Variants in SMARCA2 observed in about 807,000 individuals in gnomAD.
SMARCA2 encodes the protein SWI/SNF-related matrix-associated actin-dependent regulator of chromatin subfamily A member 2.
SMARCA2 carries 61 observed loss-of-function variants against 199.8 expected under a neutral mutation model. The observed-to-expected ratio is 0.31, with a 90% confidence interval of 0.25 to 0.38. The LOEUF is 0.38. Among genes scored for constraint, SMARCA2 ranks in the 10% least tolerant of loss-of-function variants. The pLI is 1.00. For synonymous variants in SMARCA2, 935 were observed against 732.0 expected, an observed-to-expected ratio of 1.28 and a Z score of -4.48; for missense variants, 1,344 against 2,012.2, an observed-to-expected ratio of 0.67 and a Z score of 6.35.
chr9:2,158,910 G>GTCCC, intron 27 of SMARCA2: 1 of 1,608,094 alleles, frequency 6.2e-7, no homozygotes, highest in Non-Finnish European at 8.5e-7. Context: ...TGGGGTCTTT[G>GTCCC]GGGAGGAGGG....
chr9:2,015,604 C>T (rs1385164342), intron 1 of SMARCA2, among the ~76,000 whole-genome samples, 200 bp downstream of exon 1: 2 of 152,232 alleles, frequency 1.3e-5, no homozygotes, highest in Non-Finnish European at 2.9e-5. Context: ...AGCCCGCCTC[C>T]TCCCCGCGGG....
At chr9:2,070,967 A>T (rs1292323323) in intron 10 of SMARCA2, among the ~76,000 whole-genome samples, 1 of 152,216 alleles carries the variant, frequency 6.6e-6, no homozygotes, top group Non-Finnish European at 1.5e-5. Flanking sequence ...TAGTCCTAAA[A>T]TTCATTTCCT....
intron 28 of SMARCA2, chr9:2,162,683 G>A (rs1356767397): frequency 1.3e-5 from 2 of 152,112 alleles, no homozygotes; most frequent in African/African-American, 4.8e-5. Flanking sequence ...AAATTGACAG[G>A]AAACAGACAT....
At chr9:2,128,659 G>A (rs975949826) in intron 27 of SMARCA2, among the ~76,000 whole-genome samples, 1 of 152,210 alleles carries the variant, frequency 6.6e-6, no homozygotes, top group South Asian at 2.1e-4. Flanking sequence ...ATAAAAGTAT[G>A]TAACTGTATT....
At chr9:2,143,190 A>G (rs1303665953) in intron 27 of SMARCA2, among the ~76,000 whole-genome samples, 1 of 152,180 alleles carries the variant, frequency 6.6e-6, no homozygotes, top group Admixed American at 6.5e-5. Flanking sequence ...GGTAGGAAAG[A>G]GGGATCAGGA....
intron 23 of SMARCA2, among the ~76,000 whole-genome samples, chr9:2,109,636 G>A (rs915737965): frequency 1.3e-5 from 2 of 152,104 alleles, no homozygotes; most frequent in Non-Finnish European, 2.9e-5. Context: ...TTCTTGTGGG[G>A]GGGGTGGGGA....
chr9:2,022,663 T>C (rs115694014), intron 1 of SMARCA2, among the ~76,000 whole-genome samples: 2 of 152,246 alleles, frequency 1.3e-5, no homozygotes, highest in South Asian at 4.1e-4. Flanking sequence ...ACTCTTCTTT[T>C]TATATGTTTA....
intron 9 of SMARCA2, among the ~76,000 whole-genome samples, chr9:2,061,907 A>G (rs541635556): frequency 6.6e-6 from 1 of 152,320 alleles, no homozygotes; most frequent in East Asian, 1.9e-4. Context: ...TCTTGCACTG[A>G]TTTCTTTAGT....
At chr9:2,100,756 A>G (rs887725726) in intron 21 of SMARCA2, among the ~76,000 whole-genome samples, 5 of 152,120 alleles carry the variant, frequency 3.3e-5, no homozygotes, top group African/African-American at 1.2e-4. Context: ...TATATTATAT[A>G]ATCACAATTA....
chr9:2,186,003 C>A (rs928936561), intron 31 of SMARCA2, 93 bp from the exon 32 acceptor site: 16 of 1,224,368 alleles, frequency 1.3e-5, no homozygotes, highest in African/African-American at 3.0e-5. Flanking sequence ...TACTAAAATT[C>A]ATGTGAATTA....
intron 1 of SMARCA2, chr9:2,018,072 C>G (rs1326031704): frequency 6.6e-6 from 1 of 152,376 alleles, no homozygotes; most frequent in East Asian, 1.9e-4. Context: ...GTTGCACATT[C>G]AAACTTCGGG....
intron 19 of SMARCA2, among the ~76,000 whole-genome samples, chr9:2,088,973 T>G (rs547607523): frequency 1.3e-5 from 2 of 151,338 alleles, no homozygotes; most frequent in Admixed American, 6.6e-5. Flanking sequence ...AGATTTGGCG[T>G]TGGGGACTTG....
chr9:2,015,392 C>T lies in SMARCA2; in HGVS notation c.-49C>T, dbSNP rs1262418317. 2.0e-5 allele frequency: 3 copies of T among 152,540 alleles called. No homozygotes were observed. The highest frequency in any genetic ancestry group is 2.9e-5 in the Non-Finnish European group (2 of 68,268). 9.4% of individuals were successfully genotyped at this position (152,540 alleles called of 1,614,324 possible). On this transcript the variant is annotated 5_prime_UTR_variant, in exon 1 of 34. Transcript: ENST00000349721. ...AGGGAAGAGATTCAGCCAGCACACT[C>T]CTCGCGAGCAAGGTAAATATAACTT...
intron 18 of SMARCA2, 39 bp from the exon 19 acceptor site, chr9:2,088,461 T>C: frequency 6.5e-7 from 1 of 1,550,072 alleles, no homozygotes; most frequent in South Asian, 1.2e-5. Flanking sequence ...AACATCCTTT[T>C]CTTTAAAAAA....
intron 26 of SMARCA2, among the ~76,000 whole-genome samples, chr9:2,122,190 A>C (rs1823491209): frequency 6.6e-6 from 1 of 152,248 alleles, no homozygotes; most frequent in African/African-American, 2.4e-5. Context: ...CAAATATATT[A>C]GCAAGAATAA....
At chr9:2,145,315 A>C (rs1586752111) in intron 27 of SMARCA2, among the ~76,000 whole-genome samples, 1 of 16,340 alleles carries the variant, frequency 6.1e-5, no homozygotes, top group Non-Finnish European at 1.0e-4. Flanking sequence ...AAAAAAAAAA[A>C]AAAAAAAAAA....
chr9:2,183,753 A>T (rs545638627), intron 31 of SMARCA2, among the ~76,000 whole-genome samples: 1 of 152,224 alleles, frequency 6.6e-6, no homozygotes, highest in Non-Finnish European at 1.5e-5. Flanking sequence ...GTTACTCAAG[A>T]CACTCTCCAA....
intron 29 of SMARCA2, among the ~76,000 whole-genome samples, chr9:2,180,648 A>G (rs1184993647): frequency 3.9e-5 from 6 of 152,220 alleles, no homozygotes; most frequent in Non-Finnish European, 5.9e-5. Context: ...ACAAGCTGTT[A>G]TTGATCTGAG....
chr9:2,137,400 C>T (rs1824247811), intron 27 of SMARCA2, among the ~76,000 whole-genome samples: 1 of 152,152 alleles, frequency 6.6e-6, no homozygotes, highest in African/African-American at 2.4e-5. Flanking sequence ...AATCACCAGG[C>T]CTTTGCCTGG....
Sources: allele counts gnomAD v4.1 joint callset (sites outside exome capture counted in the v4.1 genomes callset), GRCh38; gene constraint gnomAD v4.1.1; transcripts MANE v1.5; gene names NCBI Gene and HGNC (gene_info 2026-07-23, HGNC 2026-07-21).